The following FAM227B variants were observed in gnomAD, a reference collection of about 807,000 sequenced individuals.
FAM227B encodes protein FAM227B.
Under a neutral mutation model 73.8 loss-of-function variants are expected in FAM227B, and 88 were observed. The observed-to-expected ratio is 1.19, with a 90% CI of 1.00 to 1.42. FAM227B has a LOEUF of 1.42. FAM227B is among the 40% of genes most tolerant of loss of function. The pLI is 0.00. For missense variants in FAM227B, 632 were observed against 590.9 expected, an observed-to-expected ratio of 1.07 and a Z score of -0.72; for synonymous variants, 210 against 190.5, an observed-to-expected ratio of 1.10 and a Z score of -0.84.
chr15:49,557,513 T>C (rs939467748), intron 9 of FAM227B, among the ~76,000 whole-genome samples: 6 of 152,162 alleles, frequency 3.9e-5, no homozygotes, highest in Non-Finnish European at 8.8e-5. Flanking sequence ...ACTGCTCTCA[T>C]GGAGATGAAA....
At chr15:49,377,892 G>T (rs927457712) in intron 11 of FAM227B, among the ~76,000 whole-genome samples, 13 of 152,052 alleles carry the variant, frequency 8.5e-5, no homozygotes, top group African/African-American at 3.1e-4. Flanking sequence ...TGTTGCCTTT[G>T]ATTGTCTGTG....
chr15:49,390,904 C>T (rs1421368839), intron 11 of FAM227B, among the ~76,000 whole-genome samples: 4 of 151,914 alleles, frequency 2.6e-5, no homozygotes, highest in South Asian at 4.2e-4. Context: ...GCCTAACAAC[C>T]GAGACACTGC....
At chr15:49,612,999 G>C (rs2078044897) in intron 2 of FAM227B, among the ~76,000 whole-genome samples, 2 of 152,048 alleles carry the variant, frequency 1.3e-5, no homozygotes, top group Non-Finnish European at 2.9e-5. Flanking sequence ...GGTTGCCAGA[G>C]GCCGAGAAGG....
chr15:49,343,392 A>T (rs1259215165), intron 13 of FAM227B, among the ~76,000 whole-genome samples: 1 of 151,962 alleles, frequency 6.6e-6, no homozygotes, highest in Non-Finnish European at 1.5e-5. Context: ...ATTTCCTAAG[A>T]TGTGTATCTC....
intron 11 of FAM227B, among the ~76,000 whole-genome samples, chr15:49,381,147 C>T (rs1423631003): frequency 6.6e-6 from 1 of 152,118 alleles, no homozygotes. Context: ...CTCATCACCA[C>T]AGGGATGGTG....
At chr15:49,556,916 G>C (rs1598207163) in intron 9 of FAM227B, among the ~76,000 whole-genome samples, 4 of 152,262 alleles carry the variant, frequency 2.6e-5, no homozygotes, top group Admixed American at 2.6e-4. Context: ...GTCCATAGGG[G>C]TCATGGGTCC....
chr15:49,489,911 G>C (rs1277753395), intron 11 of FAM227B, among the ~76,000 whole-genome samples: 6 of 27,754 alleles, frequency 2.2e-4, no homozygotes, highest in Non-Finnish European at 4.4e-4. Context: ...GAGAGAGAGA[G>C]AGACAGAGAG....
At chr15:49,410,157 C>T (rs1219567902) in intron 11 of FAM227B, among the ~76,000 whole-genome samples, 1 of 152,170 alleles carries the variant, frequency 6.6e-6, no homozygotes, top group Non-Finnish European at 1.5e-5. Context: ...ATCCACTCTC[C>T]AGCCCTTTAG....
At chr15:49,347,770 A>G (rs1406102152) in intron 13 of FAM227B, among the ~76,000 whole-genome samples, 1 of 152,116 alleles carries the variant, frequency 6.6e-6, no homozygotes, top group African/African-American at 2.4e-5. Context: ...AGTAATCTCA[A>G]CACTTTGGGA....
chr15:49,499,610 G>A (rs906471485), intron 11 of FAM227B, among the ~76,000 whole-genome samples: 6 of 152,196 alleles, frequency 3.9e-5, no homozygotes, highest in South Asian at 2.1e-4. Context: ...TAAAAGAAGC[G>A]CAAACTTGGA....
intron 11 of FAM227B, among the ~76,000 whole-genome samples, chr15:49,416,328 G>A (rs908505188): frequency 2.6e-5 from 4 of 152,044 alleles, no homozygotes; most frequent in Non-Finnish European, 5.9e-5. Context: ...AAATAAGTAA[G>A]ATTGGTTATA....
chr15:49,411,586 A>AT (rs1247164064), intron 11 of FAM227B, among the ~76,000 whole-genome samples: 2 of 152,158 alleles, frequency 1.3e-5, no homozygotes, highest in African/African-American at 4.8e-5. Flanking sequence ...ATGAGTACAT[A>AT]TAAAACATTT....
chr15:49,543,716 T>C (rs1355499582), intron 9 of FAM227B, among the ~76,000 whole-genome samples: 1 of 152,210 alleles, frequency 6.6e-6, no homozygotes. Flanking sequence ...CTTCTACATG[T>C]GGTTTGCCAA....
chr15:49,484,474 A>C (rs1413531200), intron 11 of FAM227B: 1 of 1,571,578 alleles, frequency 6.4e-7, no homozygotes, highest in East Asian at 2.3e-5. Flanking sequence ...AACAAAAAAC[A>C]GCCCACTTTC....
At chr15:49,524,484 C>T (rs11632003) in intron 10 of FAM227B, among the ~76,000 whole-genome samples, 48,259 of 152,048 alleles carry the variant, frequency 0.32, 8,240 homozygotes, top group African/African-American at 0.42. Context: ...GTTTGCTGCA[C>T]GGGAGGGACC....
intron 8 of FAM227B, among the ~76,000 whole-genome samples, chr15:49,571,274 T>C (rs1280135786): frequency 6.6e-6 from 1 of 152,004 alleles, no homozygotes; most frequent in African/African-American, 2.4e-5. Context: ...GATGTATGGT[T>C]TTCAAATATT....
At chr15:49,535,612 C>T (rs1367271887) in intron 10 of FAM227B, among the ~76,000 whole-genome samples, 2 of 151,690 alleles carry the variant, frequency 1.3e-5, no homozygotes, top group Non-Finnish European at 3.0e-5. Flanking sequence ...AGAGATATTA[C>T]AAGAAAACTA....
intron 13 of FAM227B, chr15:49,365,089 A>G: frequency 1.6e-6 from 1 of 622,024 alleles, no homozygotes; most frequent in South Asian, 2.2e-5. Context: ...TTTGTAGAAA[A>G]TCAATGACAC....
At chr15:49,367,802 C>A in intron 12 of FAM227B, 194 bp from the exon 13 acceptor site, 1 of 342,754 alleles carries the variant, frequency 2.9e-6, no homozygotes, top group East Asian at 6.0e-5. Context: ...TAAGGCTCTT[C>A]TACTCTTTTG....
Sources: gnomAD v4.1 joint callset for allele counts (sites outside exome capture counted in the v4.1 genomes callset) on GRCh38, gnomAD v4.1.1 for gene constraint, MANE v1.5 for transcripts, NCBI Gene and HGNC (gene_info 2026-07-23, HGNC 2026-07-21) for gene names.